Variants in DNM3 observed in about 807,000 individuals in gnomAD.
DNM3 encodes dynamin 3, also known as dynamin-3.
Under a neutral mutation model 101.6 loss-of-function variants are expected in DNM3, and 47 were observed. The ratio of observed to expected loss-of-function variants is 0.46; its 90% CI spans 0.37 to 0.59. The LOEUF is 0.59. DNM3 is among the 20% of genes least tolerant of loss of function. The probability of loss-of-function intolerance (pLI) is 0.00; values close to 1 mark genes in which losing one functional copy is unlikely to be tolerated. For synonymous variants in DNM3, 385 were observed against 387.9 expected (o/e 0.99, Z 0.09); for missense variants, 849 against 1,085.7 (o/e 0.78, Z 3.06).
intron 14 of DNM3, among the ~76,000 whole-genome samples, chr1:172,199,522 C>A (rs2060075045): frequency 6.6e-6 from 1 of 151,994 alleles, no homozygotes; most frequent in African/African-American, 2.4e-5. Flanking sequence ...AAGTCTCTTC[C>A]TATTATCATG....
At chr1:172,354,435 G>A (rs1018228321) in intron 17 of DNM3, among the ~76,000 whole-genome samples, 1 of 150,878 alleles carries the variant, frequency 6.6e-6, no homozygotes, top group African/African-American at 2.4e-5. Flanking sequence ...AACTTCCCAA[G>A]GCTGCACCCT....
At chr1:172,072,416 T>G (rs1387797130) in intron 11 of DNM3, among the ~76,000 whole-genome samples, 4 of 152,174 alleles carry the variant, frequency 2.6e-5, no homozygotes, top group African/African-American at 9.7e-5. Flanking sequence ...CTTTTAAATC[T>G]TTTTTTGACA....
intron 14 of DNM3, among the ~76,000 whole-genome samples, chr1:172,250,001 T>C (rs2062106048): frequency 6.6e-6 from 1 of 152,214 alleles, no homozygotes; most frequent in Admixed American, 6.5e-5. Context: ...TTAAACAATA[T>C]ATAAGCTACT....
At chr1:172,155,925 G>C (rs1444153943) in intron 14 of DNM3, among the ~76,000 whole-genome samples, 1 of 152,118 alleles carries the variant, frequency 6.6e-6, no homozygotes, top group African/African-American at 2.4e-5. Context: ...GTAGAGTGCA[G>C]TGACTGAGGG....
At chr1:172,356,801 A>T (rs2067476402) in intron 17 of DNM3, among the ~76,000 whole-genome samples, 3 of 152,178 alleles carry the variant, frequency 2.0e-5, no homozygotes, top group Admixed American at 2.0e-4. Flanking sequence ...GTTACTTTAT[A>T]CTATCTCTCA....
chr1:172,355,173 A>G (rs1456786352), intron 17 of DNM3, among the ~76,000 whole-genome samples: 1 of 152,086 alleles, frequency 6.6e-6, no homozygotes, highest in Non-Finnish European at 1.5e-5. Flanking sequence ...CTCTGGAGCA[A>G]CACACCCTCA....
intron 1 of DNM3, among the ~76,000 whole-genome samples, chr1:171,900,580 G>A (rs1314960472): frequency 6.6e-6 from 1 of 152,108 alleles, no homozygotes; most frequent in Non-Finnish European, 1.5e-5. Context: ...GCGGCTTCCA[G>A]GGTGAAGTAG....
At chr1:172,015,694 C>T (rs965914554) in intron 4 of DNM3, among the ~76,000 whole-genome samples, 2 of 152,130 alleles carry the variant, frequency 1.3e-5, no homozygotes, top group Non-Finnish European at 1.5e-5. Context: ...TTTCTATATA[C>T]ATAATTATGT....
chr1:172,103,073 A>G (rs938326948), intron 13 of DNM3, among the ~76,000 whole-genome samples: 1 of 152,094 alleles, frequency 6.6e-6, no homozygotes, highest in East Asian at 1.9e-4. Flanking sequence ...TACTGTGAAA[A>G]AGTTGAATAA....
At chr1:171,861,690 T>G (rs1305918217) in intron 1 of DNM3, among the ~76,000 whole-genome samples, 1 of 152,146 alleles carries the variant, frequency 6.6e-6, no homozygotes, top group Non-Finnish European at 1.5e-5. Flanking sequence ...CAGTAGTTTC[T>G]TAGCTACGAT....
intron 17 of DNM3, among the ~76,000 whole-genome samples, chr1:172,333,802 T>C (rs2066298209): frequency 6.6e-6 from 1 of 152,194 alleles, no homozygotes. Flanking sequence ...GGATATCTAA[T>C]TGTGAAACAA....
chr1:171,937,161 A>G (rs2041489970), intron 2 of DNM3, among the ~76,000 whole-genome samples: 1 of 152,264 alleles, frequency 6.6e-6, no homozygotes, highest in Non-Finnish European at 1.5e-5. Context: ...TGTTTTGAAT[A>G]ACAACATTGA....
intron 14 of DNM3, among the ~76,000 whole-genome samples, chr1:172,195,939 T>C (rs2059931780): frequency 6.6e-6 from 1 of 151,746 alleles, no homozygotes; most frequent in African/African-American, 2.4e-5. Context: ...TGGGGGAACA[T>C]ATGAAGGTTT....
intron 2 of DNM3, among the ~76,000 whole-genome samples, chr1:171,973,704 C>T (rs1027768344): frequency 6.6e-6 from 1 of 151,190 alleles, no homozygotes; most frequent in Non-Finnish European, 1.5e-5. Context: ...CAAGATCTCC[C>T]TCTGTCACCC....
chr1:171,976,037 A>G (rs1380886014), intron 2 of DNM3, among the ~76,000 whole-genome samples: 1 of 152,176 alleles, frequency 6.6e-6, no homozygotes, highest in Admixed American at 6.5e-5. Flanking sequence ...AGAGACAAAT[A>G]GATCAATGGA....
intron 11 of DNM3, among the ~76,000 whole-genome samples, chr1:172,080,010 G>A (rs1010392773): frequency 1.3e-5 from 2 of 152,152 alleles, no homozygotes; most frequent in African/African-American, 4.8e-5. Context: ...GTCCCAGAGG[G>A]GCACCCACCA....
At position 172,410,084 on chromosome 1, in the gene DNM3, T is replaced by G. The variant is rs976111667; in HGVS notation, c.*2243T>G. The G allele has an allele frequency of 1.0e-6, 1 of 985,296 alleles. No individual in the cohort carries two copies. The highest frequency in any genetic ancestry group is 6.2e-5 in the Admixed American group (1 of 16,244). 61.0% of individuals were successfully genotyped at this position (985,296 alleles called of 1,614,324 possible). On this transcript the variant is annotated 3_prime_UTR_variant, in exon 21 of 21. Coordinates refer to ENST00000627582, the MANE Select transcript of DNM3 (RefSeq NM_015569.5). ...TCTACCTTTGTGGGTACATTTTTGT[T>G]CTTTACTCCTAAGTTATTTCTCATA...
At chr1:172,156,728 T>C (rs1331901412) in intron 14 of DNM3, among the ~76,000 whole-genome samples, 1 of 152,118 alleles carries the variant, frequency 6.6e-6, no homozygotes, top group Non-Finnish European at 1.5e-5. Flanking sequence ...CTCTTTTCAG[T>C]AATCGCTCAT....
At chr1:172,388,833 G>C (rs767403443) in intron 20 of DNM3, 24 bp downstream of exon 20, 31 of 1,530,126 alleles carry the variant, frequency 2.0e-5, no homozygotes, top group Non-Finnish European at 4.4e-6. Flanking sequence ...CAGAAATTGG[G>C]GGGGTAGTGC....
Sources: gnomAD v4.1 joint callset for allele counts (sites outside exome capture counted in the v4.1 genomes callset) on GRCh38, gnomAD v4.1.1 for gene constraint, MANE v1.5 for transcripts, NCBI Gene and HGNC (gene_info 2026-07-23, HGNC 2026-07-21) for gene names.